Variants in ATXN10 observed in about 807,000 individuals in gnomAD.
ATXN10 encodes the protein ataxin-10.
In ATXN10, 28 loss-of-function variants were observed where a neutral mutation model predicts 52.9. The observed-to-expected ratio is 0.53, with a 90% CI of 0.39 to 0.73. The LOEUF is 0.73. ATXN10 is among the 30% of genes least tolerant of loss of function. ATXN10 has a pLI of 0.00. For synonymous variants in ATXN10, 226 were observed against 221.5 expected, an observed-to-expected ratio of 1.02 and a Z score of -0.18; for missense variants, 565 against 577.0, an observed-to-expected ratio of 0.98 and a Z score of 0.21.
Position 45,769,252 on chromosome 22 carries a change from A to T in ATXN10, c.1173+28714A>T, listed in dbSNP as rs952768516. ...ATGGAATCTGAAAGGCAGCTTTATC[A>T]AAAGAGTAACGTGTGCAGATGGGCG... On this transcript the variant is annotated intron_variant, in intron 9 of 11. Transcript: ENST00000252934. The surrounding 1 kb of genome is among the most constrained non-coding windows in gnomAD (Gnocchi z 4.2). 1.3e-5 allele frequency among the ~76,000 whole-genome samples: 2 copies of T among 152,188 alleles called. No individual in the cohort carries two copies. The highest frequency in any genetic ancestry group is 4.8e-5 in the African/African-American group (2 of 41,444).
intron 9 of ATXN10, among the ~76,000 whole-genome samples, chr22:45,798,104 G>A (rs1268814969): frequency 1.3e-5 from 2 of 152,172 alleles, no homozygotes; most frequent in South Asian, 2.1e-4. Flanking sequence ...CATTTAAGAA[G>A]GAAAGCATAT....
At chr22:45,723,141 T>TTA (rs370423058) in intron 6 of ATXN10, among the ~76,000 whole-genome samples, 39 of 151,126 alleles carry the variant, frequency 2.6e-4, no homozygotes, top group African/African-American at 5.6e-4. Flanking sequence ...GTGTGTGTGT[T>TTA]TATATATATA....
rs1478668504 is a variant in ATXN10, at chr22:45,833,068, G to T, written c.1238-9923G>T. Among the ~76,000 whole-genome samples, 5 of 152,202 alleles carry T rather than the reference G, an allele frequency of 3.3e-5. No individual in the cohort carries two copies. Among genetic ancestry groups the T allele is most frequent in the Non-Finnish European group, 5.9e-5 (4 of 68,032 alleles). Reference sequence around the variant, plus strand: ...AATTAGAATTAGAGATCTCCTTGTTGAAAGAAATCAATCAGACTGCAGGTA... The same window carrying T: ...AATTAGAATTAGAGATCTCCTTGTTTAAAGAAATCAATCAGACTGCAGGTA... On this transcript the variant is annotated intron_variant, in intron 10 of 11. Transcript: ENST00000252934. This position sits in a 1 kb window ranked among gnomAD's most constrained non-coding sequence, Gnocchi z 4.3.
At position 45,820,601 on chromosome 22, in the gene ATXN10, A is replaced by G. The variant is rs1004161711; in HGVS notation, c.1237+13579A>G. 6.6e-6 allele frequency among the ~76,000 whole-genome samples: 1 copy of G among 152,296 alleles called. No individual in the cohort carries two copies. Among genetic ancestry groups the G allele is most frequent in the South Asian group, 2.1e-4 (1 of 4,826 alleles). ...TTTTGTAGATCCACATTATCCCTTC[A>G]TTGGAGAAAGTATAAAAATAAAGCT... On this transcript the variant is annotated intron_variant, in intron 10 of 11. Transcript: ENST00000252934. The surrounding 1 kb of genome is among the most constrained non-coding windows in gnomAD (Gnocchi z 4.9).
chr22:45,747,167 A>G (rs556692158), intron 9 of ATXN10, among the ~76,000 whole-genome samples: 2 of 152,124 alleles, frequency 1.3e-5, no homozygotes, highest in African/African-American at 4.8e-5. Flanking sequence ...TAGGAACCTA[A>G]CTCTGCCTGT....
chr22:45,843,059 AT>A lies in ATXN10; in HGVS notation c.1308del (p.Ile436MetfsTer29). 6.2e-7 allele frequency: 1 copy of A among 1,614,226 alleles called. No individual in the cohort carries two copies. Among genetic ancestry groups the A allele is most frequent in the Non-Finnish European group, 8.5e-7 (1 of 1,180,042 alleles). On this transcript the variant is annotated frameshift_variant, in exon 11 of 12. Coordinates refer to ENST00000252934, the MANE Select transcript of ATXN10 (RefSeq NM_013236.4). LOFTEE classifies it high-confidence loss of function. This position sits in a 1 kb window ranked among gnomAD's most constrained non-coding sequence, Gnocchi z 4.5. ...TEDNSQNQDL[I>X]AKMEEQGLAD... The stretch of plus-strand genomic sequence containing the variant: ...AGACAACAGCCAAAACCAAGATTTG[AT>A]TGCAAAGATGGAGGAACAGGGGCTG...
At position 45,757,207 on chromosome 22, in the gene ATXN10, C is replaced by A. The variant is rs1041041049; in HGVS notation, c.1173+16669C>A. On this transcript the variant is annotated intron_variant, in intron 9 of 11. Coordinates refer to ENST00000252934, the MANE Select transcript of ATXN10 (RefSeq NM_013236.4). This position sits in a 1 kb window ranked among gnomAD's most constrained non-coding sequence, Gnocchi z 4.6. ...GTGTTGACAGGAAAAATCCGACTGG[C>A]GGCCTTGGAGCAGTTCGAAGAGAGG... Among the ~76,000 whole-genome samples the A allele has an allele frequency of 6.6e-6, 1 of 152,268 alleles. No homozygotes were observed. The highest frequency in any genetic ancestry group is 2.1e-4 in the South Asian group (1 of 4,824).
At chr22:45,747,830 T>A (rs1925793125) in intron 9 of ATXN10, among the ~76,000 whole-genome samples, 1 of 151,752 alleles carries the variant, frequency 6.6e-6, no homozygotes, top group African/African-American at 2.4e-5. Flanking sequence ...TCTGTAATCC[T>A]AGTACTTTCG....
Position 45,842,896 on chromosome 22 carries a change from G to C in ATXN10, c.1238-95G>C. On this transcript the variant is annotated intron_variant, in intron 10 of 11. Transcript: ENST00000252934. This position sits in a 1 kb window ranked among gnomAD's most constrained non-coding sequence, Gnocchi z 4.8. The stretch of plus-strand genomic sequence containing the variant: ...CTTGTGGATTGATACTGGATGTTCC[G>C]TGTTTCTGTGCTCCTCTACTCCTTT... 1 of 1,336,896 alleles carries C rather than the reference G, an allele frequency of 7.5e-7. No individual in the cohort carries two copies. Among genetic ancestry groups the C allele is most frequent in the Non-Finnish European group, 1.1e-6 (1 of 932,628 alleles). The allele number at this position is 1,336,896 out of a possible 1,614,324, so 82.8% of individuals were successfully genotyped here. A position where few individuals can be genotyped will look rare whatever the true frequency, so the allele number is the denominator to read the frequency against.
intron 10 of ATXN10, among the ~76,000 whole-genome samples, chr22:45,808,189 G>T (rs745738110): frequency 6.6e-6 from 1 of 152,158 alleles, no homozygotes; most frequent in Non-Finnish European, 1.5e-5. Flanking sequence ...GCTCATTAAA[G>T]AGTGTTGACA....
chr22:45,780,772 C>T lies in ATXN10; in HGVS notation c.1174-26187C>T, dbSNP rs369250034. Among the ~76,000 whole-genome samples the T allele has an allele frequency of 3.9e-5, 6 of 152,182 alleles. No individual in the cohort carries two copies. The highest frequency in any genetic ancestry group is 1.4e-4 in the African/African-American group (6 of 41,438). On this transcript the variant is annotated intron_variant, in intron 9 of 11. Transcript: ENST00000252934. The surrounding 1 kb of genome is among the most constrained non-coding windows in gnomAD (Gnocchi z 4.0). ...GTCCTTTGGCACCTTAAAAACAATACGTTGGCAATTGGACTTGGGATTCTG... is the reference window on the plus strand; with the variant it reads ...GTCCTTTGGCACCTTAAAAACAATATGTTGGCAATTGGACTTGGGATTCTG...
At chr22:45,709,006 A>G (rs946293047) in intron 5 of ATXN10, among the ~76,000 whole-genome samples, 5 of 152,218 alleles carry the variant, frequency 3.3e-5, no homozygotes, top group Non-Finnish European at 5.9e-5. Flanking sequence ...AACTGGGAGC[A>G]AAGCATTCTT....
At chr22:45,791,772 G>C (rs1377296323) in intron 9 of ATXN10, among the ~76,000 whole-genome samples, 2 of 152,104 alleles carry the variant, frequency 1.3e-5, no homozygotes, top group African/African-American at 2.4e-5. Flanking sequence ...CCTGGTTTTG[G>C]AACAAAGTCA....
At chr22:45,788,937 C>A (rs900737586) in intron 9 of ATXN10, among the ~76,000 whole-genome samples, 18 of 152,178 alleles carry the variant, frequency 1.2e-4, no homozygotes, top group African/African-American at 4.3e-4. Flanking sequence ...GCATGAGCCA[C>A]CATGCCCAGC....
intron 9 of ATXN10, among the ~76,000 whole-genome samples, chr22:45,799,216 G>A (rs574879478): frequency 1.8e-4 from 28 of 152,140 alleles, no homozygotes; most frequent in East Asian, 1.5e-3. Flanking sequence ...GATTACAGGC[G>A]CCTGCCACCA....
chr22:45,798,723 A>G (rs1927832555), intron 9 of ATXN10, among the ~76,000 whole-genome samples: 1 of 152,230 alleles, frequency 6.6e-6, no homozygotes, highest in Admixed American at 6.5e-5. Flanking sequence ...AAAGAAGTAA[A>G]ACTGGCTTTA....
intron 9 of ATXN10, among the ~76,000 whole-genome samples, chr22:45,749,734 AT>A (rs1459650743): frequency 2.0e-5 from 3 of 151,482 alleles, no homozygotes; most frequent in Non-Finnish European, 2.9e-5. Context: ...ACTACTAAAA[AT>A]TTTTTTTTGG....
chr22:45,692,460 T>C (rs1923422277), intron 2 of ATXN10, among the ~76,000 whole-genome samples: 1 of 152,204 alleles, frequency 6.6e-6, no homozygotes, highest in Non-Finnish European at 1.5e-5. Flanking sequence ...ATTTCAACCA[T>C]TTAGGGCAGC....
intron 7 of ATXN10, 98 bp from the exon 8 acceptor site, chr22:45,738,633 A>T: frequency 9.4e-7 from 1 of 1,065,762 alleles, no homozygotes; most frequent in Non-Finnish European, 1.4e-6. Flanking sequence ...CAGACTCTTT[A>T]AATTTATTGA....
Sources: allele counts gnomAD v4.1 joint callset (sites outside exome capture counted in the v4.1 genomes callset), GRCh38; gene constraint gnomAD v4.1.1; non-coding constraint Gnocchi (gnomAD v3.1); transcripts MANE v1.5; gene names NCBI Gene and HGNC (gene_info 2026-07-23, HGNC 2026-07-21).